ERCC8: variants seen among roughly 807,000 people sequenced by gnomAD.
ERCC8 encodes the protein DNA excision repair protein ERCC-8.
In ERCC8, 52 loss-of-function variants were observed where a neutral mutation model predicts 54.9. The ratio of observed to expected loss-of-function variants is 0.95; its 90% CI spans 0.76 to 1.19. ERCC8 has a LOEUF of 1.19. Ranked by LOEUF, ERCC8 falls within the 50% of genes most tolerant of loss-of-function variation. ERCC8 has a pLI of 0.00. For synonymous variants in ERCC8, 146 were observed against 157.2 expected (o/e 0.93, Z 0.53); for missense variants, 514 against 466.1 (o/e 1.10, Z -0.95).
chr5:60,877,812 T>G (rs1170991122), intron 11 of ERCC8, among the ~76,000 whole-genome samples: 8 of 152,240 alleles, frequency 5.3e-5, no homozygotes, highest in Non-Finnish European at 7.3e-5. Flanking sequence ...TCATGTCATC[T>G]GCAAACAGGG....
intron 2 of ERCC8, among the ~76,000 whole-genome samples, chr5:60,922,696 C>T (rs1363658252): frequency 2.0e-5 from 3 of 152,040 alleles, no homozygotes; most frequent in African/African-American, 7.2e-5. Flanking sequence ...TAGATTCCTT[C>T]CTTCTCTTAT....
intron 1 of ERCC8, among the ~76,000 whole-genome samples, chr5:60,940,563 G>C (rs1310655791): frequency 6.6e-6 from 1 of 152,188 alleles, no homozygotes; most frequent in Non-Finnish European, 1.5e-5. Context: ...TCAGGAAAGT[G>C]ATCCCATAAA....
At chr5:60,885,586 G>A (rs1259502568) in intron 11 of ERCC8, among the ~76,000 whole-genome samples, 6 of 152,084 alleles carry the variant, frequency 3.9e-5, no homozygotes, top group Admixed American at 1.3e-4. Context: ...AGAATATTCT[G>A]ACACCAAAAG....
At chr5:60,914,807 AAAG>A (rs1234620614) in intron 4 of ERCC8, among the ~76,000 whole-genome samples, 1 of 151,446 alleles carries the variant, frequency 6.6e-6, no homozygotes, top group African/African-American at 2.4e-5. Context: ...AAAAAAAAAA[AAAG>A]GATATTGACT....
rs1295953101 is a variant in ERCC8, at chr5:60,873,953, A to G, written c.*662T>C. ...TCATACCTTAATGAGTTTCACAGAAAAAGAGTTCAAGCATTAGCGCAAACT... is the reference window on the plus strand; with the variant it reads ...TCATACCTTAATGAGTTTCACAGAAGAAGAGTTCAAGCATTAGCGCAAACT... On this transcript the variant is annotated 3_prime_UTR_variant, in exon 12 of 12. Coordinates refer to ENST00000676185, the MANE Select transcript of ERCC8 (RefSeq NM_000082.4). 6.6e-6 allele frequency: 1 copy of G among 152,192 alleles called. No homozygotes were observed. The highest frequency in any genetic ancestry group is 1.5e-5 in the Non-Finnish European group (1 of 68,042). 9.4% of individuals were successfully genotyped at this position (152,192 alleles called of 1,614,324 possible).
rs116153638 is a variant in ERCC8 at position 60,938,512 on chromosome 5, C to G, written c.77+6420G>C. On this transcript the variant is annotated intron_variant, in intron 1 of 11. Transcript: ENST00000676185. Reference sequence around the variant, plus strand: ...GGGATTACAGGCGTGTGCCACCACACCCGGCTAATTTTTGTATTTTTAGTA... The same window carrying G: ...GGGATTACAGGCGTGTGCCACCACAGCCGGCTAATTTTTGTATTTTTAGTA... Among the ~76,000 whole-genome samples the G allele has an allele frequency of 7.2e-3, 1,098 of 152,180 alleles. 10 individuals carry two copies. Among genetic ancestry groups the G allele is most frequent in the African/African-American group, 0.025 (1,052 of 41,524 alleles).
intron 9 of ERCC8, chr5:60,893,285 A>G: frequency 9.9e-7 from 1 of 1,006,746 alleles, no homozygotes; most frequent in Non-Finnish European, 1.6e-6. Flanking sequence ...TAATTCCTGC[A>G]AAACTTCTTC....
At position 60,871,756 on chromosome 5, in the gene ERCC8, C is replaced by T. The variant is rs1747867488; in HGVS notation, c.*2859G>A. Among the ~76,000 whole-genome samples the T allele has an allele frequency of 6.6e-6, 1 of 152,094 alleles. No homozygotes were observed. ...CAGTTACTTGCAGTTTGGAAGCAGA[C>T]TTCCTTTTTCTTAAAAATAAATTTC... On this transcript the variant is annotated 3_prime_UTR_variant, in exon 12 of 12. Transcript: ENST00000676185.
At chr5:60,878,810 C>T (rs1333884902) in intron 11 of ERCC8, among the ~76,000 whole-genome samples, 1 of 151,972 alleles carries the variant, frequency 6.6e-6, no homozygotes, top group East Asian at 1.9e-4. Context: ...TGATCTTTTA[C>T]AAAAACCAGC....
At position 60,891,071 on chromosome 5, in the gene ERCC8, C is replaced by T. The variant is rs1167712385; in HGVS notation, c.859G>A (p.Val287Ile). 6.2e-7 allele frequency: 1 copy of T among 1,609,192 alleles called. No individual in the cohort carries two copies. Residue 287 changes from valine (V) to isoleucine (I), a missense_variant, in exon 10 of 12, where the codon GTT becomes ATT. Transcript: ENST00000676185. Reference sequence around the variant, plus strand: ...AATCCTTTTTTACTGTTATTACAAACTTTTCCATAGTTCACCTGTAGGATT... The same window carrying T: ...AATCCTTTTTTACTGTTATTACAAATTTTTCCATAGTTCACCTGTAGGATT... Reference protein sequence around the residue: ...GENTLVNYGKVCNNSKKGLKF... With the variant: ...GENTLVNYGKICNNSKKGLKF...
intron 9 of ERCC8, among the ~76,000 whole-genome samples, chr5:60,895,968 C>T (rs1748711431): frequency 6.6e-6 from 1 of 151,482 alleles, no homozygotes; most frequent in Admixed American, 6.6e-5. Context: ...AACTTAATGT[C>T]ATATTAATAT....
At chr5:60,944,864 G>A in intron 1 of ERCC8, 68 bp downstream of exon 1, 1 of 1,154,292 alleles carries the variant, frequency 8.7e-7, no homozygotes, top group Non-Finnish European at 1.3e-6. Flanking sequence ...GAAAGTGTGG[G>A]GCAAAGCTTA....
intron 11 of ERCC8, 152 bp downstream of exon 11, chr5:60,887,288 G>C: frequency 1.5e-6 from 1 of 685,562 alleles, no homozygotes; most frequent in Non-Finnish European, 2.6e-6. Flanking sequence ...CTGGGCTCAA[G>C]TGATCATCTT....
At chr5:60,944,643 A>G (rs1195000643) in intron 1 of ERCC8, among the ~76,000 whole-genome samples, 2 of 151,968 alleles carry the variant, frequency 1.3e-5, no homozygotes. Context: ...GAGAGAAGGA[A>G]TACAGTACAA....
chr5:60,892,141 T>G (rs1748580634), intron 9 of ERCC8: 1 of 402,660 alleles, frequency 2.5e-6, no homozygotes, highest in African/African-American at 3.1e-5. Context: ...CACCTTACTG[T>G]TTTTTTTTAG....
At chr5:60,881,587 C>T (rs546327107) in intron 11 of ERCC8, among the ~76,000 whole-genome samples, 194 of 152,338 alleles carry the variant, frequency 1.3e-3, no homozygotes, top group African/African-American at 3.2e-3. Flanking sequence ...GCCTGGCTGC[C>T]GCCTTGCAGT....
At chr5:60,926,288 A>C (rs1749748366) in intron 2 of ERCC8, among the ~76,000 whole-genome samples, 1 of 152,166 alleles carries the variant, frequency 6.6e-6, no homozygotes, top group South Asian at 2.1e-4. Context: ...AAACAAACAC[A>C]CGTCTTTCTT....
chr5:60,891,793 T>C, intron 9 of ERCC8: 1 of 297,684 alleles, frequency 3.4e-6, no homozygotes, highest in East Asian at 8.5e-5. Flanking sequence ...GAGAGAACAG[T>C]GGGAGGCAAA....
chr5:60,927,160 A>G (rs973185782), intron 2 of ERCC8, among the ~76,000 whole-genome samples: 13 of 152,368 alleles, frequency 8.5e-5, no homozygotes, highest in Middle Eastern at 6.8e-3. Flanking sequence ...TGTAATTTTC[A>G]GATACTTTTT....
Sources: gnomAD v4.1 joint callset for allele counts (sites outside exome capture counted in the v4.1 genomes callset) on GRCh38, gnomAD v4.1.1 for gene constraint, MANE v1.5 for transcripts, NCBI Gene and HGNC (gene_info 2026-07-23, HGNC 2026-07-21) for gene names.